Variants in MKRN2 observed in about 807,000 individuals in gnomAD.
MKRN2 encodes E3 ubiquitin-protein ligase makorin-2.
In MKRN2, 32 loss-of-function variants were observed where a neutral mutation model predicts 45.4. That is an observed-to-expected ratio of 0.70 (90% CI 0.53 to 0.95). The LOEUF is 0.95. MKRN2 is among the 40% of genes least tolerant of loss of function. The pLI is 0.00. For missense variants in MKRN2, 526 were observed against 536.7 expected (o/e 0.98, Z 0.20); for synonymous variants, 206 against 192.4 (o/e 1.07, Z -0.59).
rs1210332311 is a variant in MKRN2, at chr3:12,576,208, TG to T, written c.858-422del. On this transcript the variant is annotated intron_variant, in intron 5 of 7. Transcript: ENST00000170447. ...CCATATATGTGTGTGTGTGTGTGTG[TG>T]TGTGTGTGTGTGTGTGTGTGTATTT... is the stretch of plus-strand genomic sequence containing the variant. Among the ~76,000 whole-genome samples the T allele has an allele frequency of 4.7e-4, 70 of 149,650 alleles. 1 individual carries two copies. Among genetic ancestry groups the T allele is most frequent in the African/African-American group, 1.7e-3 (68 of 39,398 alleles).
chr3:12,561,331 G>A (rs558854936), intron 1 of MKRN2, among the ~76,000 whole-genome samples: 4 of 152,162 alleles, frequency 2.6e-5, no homozygotes, highest in Non-Finnish European at 4.4e-5. Context: ...TATGGAAGGC[G>A]GAGGTAGAAT....
intron 3 of MKRN2, 90 bp from the exon 4 acceptor site, chr3:12,571,979 A>G: frequency 7.7e-7 from 1 of 1,297,476 alleles, no homozygotes; most frequent in Non-Finnish European, 1.0e-6. Flanking sequence ...TTCTTAGGTC[A>G]GAGTAGCTTA....
intron 1 of MKRN2, among the ~76,000 whole-genome samples, chr3:12,561,420 G>A (rs1282630639): frequency 6.6e-6 from 1 of 152,172 alleles, no homozygotes; most frequent in Non-Finnish European, 1.5e-5. Context: ...ATAGTATCTG[G>A]TAGAGGGCCT....
At position 12,582,921 on chromosome 3, in the gene MKRN2, T is replaced by C. The variant is rs2058196032; in HGVS notation, c.*668T>C. 1 of 152,454 alleles carries C rather than the reference T, an allele frequency of 6.6e-6. No homozygotes were observed. Among genetic ancestry groups the C allele is most frequent in the African/African-American group, 2.4e-5 (1 of 41,454 alleles). 9.4% of individuals were successfully genotyped at this position (152,454 alleles called of 1,614,324 possible). A position where few individuals can be genotyped will look rare whatever the true frequency, so the allele number is the denominator to read the frequency against. On this transcript the variant is annotated 3_prime_UTR_variant, in exon 8 of 8. Transcript: ENST00000170447. ...ATCTTCTTCTCCCTTAGGGAGGCTC[T>C]TGAAGGAGCAGGAGGTACAGTACTG...
At chr3:12,578,308 A>G (rs1206374026) in intron 6 of MKRN2, among the ~76,000 whole-genome samples, 1 of 135,006 alleles carries the variant, frequency 7.4e-6, no homozygotes, top group Admixed American at 7.7e-5. Flanking sequence ...GATAAGAGCT[A>G]CTTCTTTTTT....
chr3:12,575,087 T>C lies in MKRN2; in HGVS notation c.857+81T>C, dbSNP rs1355668296. 6 of 1,310,660 alleles carry C rather than the reference T, an allele frequency of 4.6e-6. No individual in the cohort carries two copies. In the East Asian group the frequency reaches 9.6e-5, roughly 21 times the overall value. The allele number at this position is 1,310,660 out of a possible 1,614,324, so 81.2% of individuals were successfully genotyped here. A position where few individuals can be genotyped will look rare whatever the true frequency, so the allele number is the denominator to read the frequency against. ...CTTTATTCCGTCCACTTTTAAGCCC[T>C]CCGTTACCCTCAAGAGTAACTGGTG... On this transcript the variant is annotated intron_variant, in intron 5 of 7. Coordinates refer to ENST00000170447, the MANE Select transcript of MKRN2 (RefSeq NM_014160.5).
intron 1 of MKRN2, 64 bp from the exon 2 acceptor site, chr3:12,568,811 A>G: frequency 6.3e-7 from 1 of 1,577,888 alleles, no homozygotes; most frequent in Non-Finnish European, 8.6e-7. Context: ...AAGTTCAAGA[A>G]TAAGCTGATT....
intron 5 of MKRN2, among the ~76,000 whole-genome samples, chr3:12,575,863 C>T (rs915533811): frequency 6.6e-6 from 1 of 152,164 alleles, no homozygotes; most frequent in African/African-American, 2.4e-5. Flanking sequence ...GTCCCCTTCT[C>T]CTGGCGGAAT....
At chr3:12,566,184 C>G (rs1559387630) in intron 1 of MKRN2, among the ~76,000 whole-genome samples, 1 of 152,146 alleles carries the variant, frequency 6.6e-6, no homozygotes, top group African/African-American at 2.4e-5. Flanking sequence ...ATCCCTGCAG[C>G]CTCCCTAAAC....
chr3:12,557,285 A>G, intron 1 of MKRN2, 109 bp downstream of exon 1: 2 of 1,412,694 alleles, frequency 1.4e-6, no homozygotes, highest in Non-Finnish European at 1.9e-6. Flanking sequence ...GGACTCGGAA[A>G]GTTACTCGGC....
At chr3:12,576,953 T>TTTTTTTTTTTTTTTTTG (rs2058143984) in intron 6 of MKRN2, 1 of 276,522 alleles carries the variant, frequency 3.6e-6, no homozygotes, top group African/African-American at 2.6e-5. Flanking sequence ...TTTTTTTTTT[T>TTTTTTTTTTTTTTTTTG]TTTTCGGTGA....
intron 6 of MKRN2, among the ~76,000 whole-genome samples, chr3:12,579,724 A>C (rs990102818): frequency 6.6e-6 from 1 of 152,136 alleles, no homozygotes; most frequent in East Asian, 1.9e-4. Context: ...CCTGGCATTG[A>C]AACAGGTGTG....
At chr3:12,574,591 G>C (rs1479737265) in intron 4 of MKRN2, among the ~76,000 whole-genome samples, 1 of 152,232 alleles carries the variant, frequency 6.6e-6, no homozygotes, top group Non-Finnish European at 1.5e-5. Context: ...GGCTGGACCA[G>C]TGATGGTTTG....
intron 6 of MKRN2, among the ~76,000 whole-genome samples, chr3:12,578,690 C>T (rs146133476): frequency 6.6e-6 from 1 of 152,006 alleles, no homozygotes; most frequent in Non-Finnish European, 1.5e-5. Context: ...AATCTAACTG[C>T]GTTTGTTCAT....
At chr3:12,563,188 T>C (rs2058049888) in intron 1 of MKRN2, among the ~76,000 whole-genome samples, 1 of 152,184 alleles carries the variant, frequency 6.6e-6, no homozygotes, top group South Asian at 2.1e-4. Context: ...GCTCAGAAAT[T>C]TGATTCTGTT....
chr3:12,568,401 G>A (rs1341427198), intron 1 of MKRN2, among the ~76,000 whole-genome samples: 3 of 152,232 alleles, frequency 2.0e-5, no homozygotes, highest in African/African-American at 7.2e-5. Flanking sequence ...ACCACGACCA[G>A]TTAAGTGGGT....
intron 1 of MKRN2, among the ~76,000 whole-genome samples, chr3:12,565,524 CTTTTTTTTTTTT>C (rs10598451): frequency 1.1e-5 from 1 of 91,960 alleles, no homozygotes; most frequent in Non-Finnish European, 2.0e-5. Context: ...CCCAACTTAC[CTTTTTTTTTTTT>C]TTTTTTTTTT....
At chr3:12,563,651 G>A (rs533834782) in intron 1 of MKRN2, among the ~76,000 whole-genome samples, 30 of 145,986 alleles carry the variant, frequency 2.1e-4, no homozygotes, top group Middle Eastern at 3.5e-3. Flanking sequence ...CACCATGCCC[G>A]GCTACTTTTT....
At chr3:12,564,521 G>C (rs2058059094) in intron 1 of MKRN2, among the ~76,000 whole-genome samples, 1 of 152,128 alleles carries the variant, frequency 6.6e-6, no homozygotes, top group Non-Finnish European at 1.5e-5. Context: ...CCAGATTCTA[G>C]TCCAGAGGTA....
Sources: gnomAD v4.1 joint callset for allele counts (sites outside exome capture counted in the v4.1 genomes callset) on GRCh38, gnomAD v4.1.1 for gene constraint, MANE v1.5 for transcripts, NCBI Gene and HGNC (gene_info 2026-07-23, HGNC 2026-07-21) for gene names.